The following KDM5C variants were observed in gnomAD, a reference collection of about 807,000 sequenced individuals.
KDM5C encodes lysine-specific demethylase 5C.
A neutral mutation model predicts 110.6 loss-of-function variants in KDM5C; 16 were observed. The observed-to-expected ratio is 0.14, with a 90% CI of 0.10 to 0.22. The LOEUF (loss-of-function observed/expected upper bound fraction) is 0.22. Among genes scored for constraint, KDM5C ranks in the 10% least tolerant of loss-of-function variants. The pLI is 1.00. For synonymous variants in KDM5C, 511 were observed against 520.4 expected (o/e 0.98, Z 0.24); for missense variants, 681 against 1,300.9 (o/e 0.52, Z 7.33).
chrX:53,217,771 C>A (rs2073788858), intron 4 of KDM5C, 25 bp downstream of exon 4: 5 of 1,205,842 alleles, frequency 4.1e-6, no homozygotes, highest in Non-Finnish European at 5.6e-6. Flanking sequence ...TAAAGCCGCA[C>A]CCTGCCCCAC....
chrX:53,183,729 C>T (rs1201370281), intron 25 of KDM5C, among the ~76,000 whole-genome samples: 13 of 109,486 alleles, frequency 1.2e-4, no homozygotes, highest in South Asian at 4.0e-4. Context: ...TTACCATGCC[C>T]GGATAATTTT....
At chrX:53,210,916 T>G in intron 10 of KDM5C, 59 bp from the exon 11 acceptor site, 1 of 1,072,917 alleles carries the variant, frequency 9.3e-7, no homozygotes. Context: ...ACTGAGATCT[T>G]AAGTCATTTT....
intron 14 of KDM5C, 180 bp downstream of exon 14, chrX:53,201,370 T>C: frequency 2.1e-6 from 1 of 476,838 alleles, no homozygotes; most frequent in Non-Finnish European, 3.7e-6. Context: ...GACAATGAAG[T>C]AAATCGACTT....
At chrX:53,224,121 ACAT>A (rs1298753621) in intron 1 of KDM5C, among the ~76,000 whole-genome samples, 14 of 112,135 alleles carry the variant, frequency 1.2e-4, no homozygotes, top group African/African-American at 3.9e-4. Flanking sequence ...ACCAATGACC[ACAT>A]CAAACACCCT....
chrX:53,183,244 A>T, intron 25 of KDM5C, among the ~76,000 whole-genome samples: 1 of 84,947 alleles, frequency 1.2e-5, no homozygotes. Context: ...TGGGCAACAG[A>T]GTGAGACCCT....
rs372863021 is a variant in KDM5C at position 53,182,084 on chromosome X, T to G, written c.4309-5462A>C. Among the ~76,000 whole-genome samples, 404 of 104,617 alleles carry G rather than the reference T, an allele frequency of 3.9e-3. 3 individuals are homozygous for G. Among genetic ancestry groups the G allele is most frequent in the African/African-American group, 0.014 (389 of 27,962 alleles). 90.8% of individuals were successfully genotyped at this position (104,617 alleles called of 115,157 possible). A position where few individuals can be genotyped will look rare whatever the true frequency, so the allele number is the denominator to read the frequency against. On this transcript the variant is annotated intron_variant, in intron 25 of 25. Transcript: ENST00000685641. Reference sequence around the variant, plus strand: ...ATTACAGGCATGAGCCACCCTTTTTTGTTTTTTTTTTTTTTTTGATATGGA... The same window carrying G: ...ATTACAGGCATGAGCCACCCTTTTTGGTTTTTTTTTTTTTTTTGATATGGA...
Position 53,215,784 on chromosome X carries a change from T to C in KDM5C, c.963+11A>G, listed in dbSNP as rs1556851479. 1 of 1,208,861 alleles carries C rather than the reference T, an allele frequency of 8.3e-7. No individual in the cohort carries two copies. The highest frequency in any genetic ancestry group is 2.3e-4 in the Middle Eastern group (1 of 4,340). On this transcript the variant is annotated intron_variant, in intron 7 of 25. Coordinates refer to ENST00000375401, the MANE Select transcript of KDM5C (RefSeq NM_004187.5). ...AAGCAGAGCATTAAGAAGTCAGGGC[T>C]GGGTCCTTACAAACTGGGCATTGCT...
At chrX:53,190,587 T>G (rs1556829791), downstream of KDM5C, among the ~76,000 whole-genome samples, 2 of 111,631 alleles carry the variant, frequency 1.8e-5, no homozygotes, top group Non-Finnish European at 3.8e-5. Context: ...CTTTTCATGA[T>G]CAATTCCAGC....
intron 3 of KDM5C, 106 bp downstream of exon 3, chrX:53,218,170 C>T (rs934986393): frequency 7.0e-6 from 7 of 999,879 alleles, no homozygotes; most frequent in South Asian, 2.0e-5. Flanking sequence ...AGCTGTGCCC[C>T]TTCCATTGCA....
Position 53,217,124 on chromosome X carries a change from G to C in KDM5C, c.657+19C>G. On this transcript the variant is annotated intron_variant, in intron 5 of 25. Coordinates refer to ENST00000375401, the MANE Select transcript of KDM5C (RefSeq NM_004187.5). ...CCCTCCACCTCAAAGCTCTAAGTTC[G>C]AAGAAGGGGAGTACTCACATCAGGC... is the stretch of plus-strand genomic sequence containing the variant. The C allele has an allele frequency of 1.7e-6, 2 of 1,201,024 alleles. No individual in the cohort carries two copies. The highest frequency in any genetic ancestry group is 2.2e-6 in the Non-Finnish European group (2 of 889,799).
chrX:53,179,995 G>A lies in KDM5C; in HGVS notation c.4309-3373C>T, dbSNP rs144520603. Among the ~76,000 whole-genome samples, 401 of 111,746 alleles carry A rather than the reference G, an allele frequency of 3.6e-3. 7 individuals carry two copies. The highest frequency in any genetic ancestry group is 0.013 in the African/African-American group (388 of 30,803). ...AAACCTGCAATGGATATTTATAGCC[G>A]ATTTATTCACAACTGCCCAAACTTG... On this transcript the variant is annotated intron_variant, in intron 25 of 25. Coordinates refer to the KDM5C transcript ENST00000685641.
In KDM5C at chrX:53,195,988, C is replaced by G. The variant is rs2146833530; in HGVS notation, c.3048G>C (p.Leu1016=). The G allele has an allele frequency of 8.3e-7, 1 of 1,211,265 alleles. No homozygotes were observed. The highest frequency in any genetic ancestry group is 1.1e-6 in the Non-Finnish European group (1 of 894,941). The change falls in exon 20 of 26, where the codon CTG becomes CTC. Residue 1016 remains leucine (L), a synonymous_variant. Transcript: ENST00000375401. ...CCTCCTTGAGAGCCTGGATGTTGGG[C>G]AGGTGAACAGGGATGTTTTCCGCTT... The part of the protein sequence containing the change: ...IREAENIPVH[L]PNIQALKEAL...
At chrX:53,188,717 T>C (rs1556829032), downstream of KDM5C, among the ~76,000 whole-genome samples, 1 of 111,611 alleles carries the variant, frequency 9.0e-6, no homozygotes, top group Non-Finnish European at 1.9e-5. Context: ...GCAAAAGTGA[T>C]GGGATCTCAC....
downstream of KDM5C, among the ~76,000 whole-genome samples, chrX:53,189,079 G>A (rs1464307397): frequency 8.9e-6 from 1 of 112,375 alleles, no homozygotes; most frequent in African/African-American, 3.2e-5. Flanking sequence ...ATAAAATGTT[G>A]TTTTAAGCCA....
downstream of KDM5C, chrX:53,192,128 C>T (rs1291825000): frequency 1.1e-5 from 2 of 174,140 alleles, no homozygotes; most frequent in Non-Finnish European, 2.2e-5. Flanking sequence ...CTGTCTTCCC[C>T]GTCTAAGAGA....
rs2146810154 is a variant in KDM5C, at chrX:53,192,890, C to G, written c.*77G>C. ...CCCTACCCGCCCACCCCCCAAGAAG[C>G]AGGCTTGATGGTCAGAAAGAGGATC... is the stretch of plus-strand genomic sequence containing the variant. On this transcript the variant is annotated 3_prime_UTR_variant, in exon 26 of 26. Transcript: ENST00000375401. 2.4e-6 allele frequency: 1 copy of G among 413,888 alleles called. No individual in the cohort carries two copies. Among genetic ancestry groups the G allele is most frequent in the Non-Finnish European group, 3.6e-6 (1 of 276,455 alleles). 34.1% of individuals were successfully genotyped at this position (413,888 alleles called of 1,213,427 possible). A position where few individuals can be genotyped will look rare whatever the true frequency, so the allele number is the denominator to read the frequency against.
downstream of KDM5C, among the ~76,000 whole-genome samples, chrX:53,189,877 A>T (rs782473270): frequency 3.4e-4 from 38 of 112,317 alleles, 1 homozygote; most frequent in South Asian, 0.011. Flanking sequence ...GGTAAGGCAC[A>T]GGTGGAGACA....
At position 53,192,898 on chromosome X, in the gene KDM5C, A is replaced by G. The variant is rs2146810244; in HGVS notation, c.*69T>C. ...GCCCACCCCCCAAGAAGCAGGCTTG[A>G]TGGTCAGAAAGAGGATCCTTGAGGC... On this transcript the variant is annotated 3_prime_UTR_variant, in exon 26 of 26. Coordinates refer to ENST00000375401, the MANE Select transcript of KDM5C (RefSeq NM_004187.5). 1 of 376,747 alleles carries G rather than the reference A, an allele frequency of 2.7e-6. No individual in the cohort carries two copies. The allele number at this position is 376,747 out of a possible 1,213,427, so 31.0% of individuals were successfully genotyped here. A position where few individuals can be genotyped will look rare whatever the true frequency, so the allele number is the denominator to read the frequency against.
Position 53,194,745 on chromosome X carries a change from T to C in KDM5C, c.3439-7A>G, listed in dbSNP as rs782026107. On this transcript the variant is annotated splice_region_variant and splice_polypyrimidine_tract_variant and intron_variant, in intron 22 of 25. Coordinates refer to ENST00000375401, the MANE Select transcript of KDM5C (RefSeq NM_004187.5). The stretch of plus-strand genomic sequence containing the variant: ...CCTCCTTGAAGGCCACGATCTGCCA[T>C]ACCCAGGACAGGAGCAAAGTGGGTC... 8 of 1,207,691 alleles carry C rather than the reference T, an allele frequency of 6.6e-6. No homozygotes were observed. The Admixed American group carries it at 1.8e-4, about 27-fold the overall frequency.
Sources: allele counts gnomAD v4.1 joint callset (sites outside exome capture counted in the v4.1 genomes callset), GRCh38; gene constraint gnomAD v4.1.1; transcripts MANE v1.5; gene names NCBI Gene and HGNC (gene_info 2026-07-23, HGNC 2026-07-21).